Variants in PFKFB3 observed in about 807,000 individuals in gnomAD.
The protein encoded by PFKFB3 is 6-phosphofructo-2-kinase/fructose-2,6-biphosphatase 3, also known as 6-phosphofructo-2-kinase/fructose-2,6-bisphosphatase 3.
Under a neutral mutation model 68.0 loss-of-function variants are expected in PFKFB3, and 33 were observed. That is an observed-to-expected ratio of 0.49 (90% CI 0.37 to 0.65). The LOEUF (loss-of-function observed/expected upper bound fraction) is 0.65, where lower values mean the gene tolerates loss of function less well. PFKFB3 is among the 30% of genes least tolerant of loss of function. PFKFB3 has a pLI of 0.00. For synonymous variants in PFKFB3, 315 were observed against 288.2 expected, an observed-to-expected ratio of 1.09 and a Z score of -0.94; for missense variants, 586 against 712.2, an observed-to-expected ratio of 0.82 and a Z score of 2.02.
intron 1 of PFKFB3, among the ~76,000 whole-genome samples, chr10:6,167,906 T>C (rs1392342273): frequency 6.6e-6 from 1 of 152,126 alleles, no homozygotes; most frequent in Non-Finnish European, 1.5e-5. Context: ...ATTTTGTTTC[T>C]CTTTGCCTGT....
chr10:6,174,249 T>C (rs1842394756), intron 1 of PFKFB3, among the ~76,000 whole-genome samples: 1 of 152,336 alleles, frequency 6.6e-6, no homozygotes, highest in South Asian at 2.1e-4. Context: ...GGTTCCTTCA[T>C]GCCAATGACC....
Position 6,154,319 on chromosome 10 carries a change from C to T in PFKFB3, c.16+9306C>T, listed in dbSNP as rs148322697. On this transcript the variant is annotated intron_variant, in intron 1 of 14. Transcript: ENST00000379789. The surrounding 1 kb of genome is among the most constrained non-coding windows in gnomAD (Gnocchi z 4.6). The stretch of plus-strand genomic sequence containing the variant: ...GGAGTGCAGTGGCGCGTTCTCGGCT[C>T]ACTGCAACCTCTGCCTCTCGAGTTC... Among the ~76,000 whole-genome samples, 2 of 151,708 alleles carry T rather than the reference C, an allele frequency of 1.3e-5. No individual in the cohort carries two copies. Among genetic ancestry groups the T allele is most frequent in the African/African-American group, 4.8e-5 (2 of 41,326 alleles).
chr10:6,203,623 T>A (rs970808468), intron 1 of PFKFB3, among the ~76,000 whole-genome samples: 1 of 151,380 alleles, frequency 6.6e-6, no homozygotes, highest in Non-Finnish European at 1.5e-5. Flanking sequence ...AGGGAGGGGA[T>A]CCACATCCTC....
chr10:6,304,131 C>G, the PFKFB3 span, among the ~76,000 whole-genome samples: 1 of 152,190 alleles, frequency 6.6e-6, no homozygotes, highest in African/African-American at 2.4e-5. Flanking sequence ...AGTGAAGAAT[C>G]CTTGTTAAAG....
chr10:6,209,547 C>A (rs1400671794), intron 1 of PFKFB3, among the ~76,000 whole-genome samples: 1 of 151,924 alleles, frequency 6.6e-6, no homozygotes, highest in Admixed American at 6.6e-5. Flanking sequence ...AATCTCGGCT[C>A]ACTGCAACCT....
chr10:6,231,710 A>G (rs1845754164), intron 14 of PFKFB3: 1 of 465,046 alleles, frequency 2.2e-6, no homozygotes, highest in Non-Finnish European at 2.8e-6. Flanking sequence ...GGCTCTCTGA[A>G]GAGAATTGCC....
At chr10:6,288,703 C>T in the PFKFB3 span, among the ~76,000 whole-genome samples, 1 of 151,956 alleles carries the variant, frequency 6.6e-6, no homozygotes, top group Admixed American at 6.6e-5. Context: ...ATTTATAGTC[C>T]TTTGGGTATA....
At chr10:6,189,546 G>A (rs1208387600) in intron 1 of PFKFB3, among the ~76,000 whole-genome samples, 5 of 139,070 alleles carry the variant, frequency 3.6e-5, no homozygotes, top group Admixed American at 7.9e-5. Flanking sequence ...AGACAGTCTC[G>A]CTCTGTCACC....
chr10:6,169,719 A>G (rs1228961115), intron 1 of PFKFB3, among the ~76,000 whole-genome samples: 1 of 152,118 alleles, frequency 6.6e-6, no homozygotes, highest in Admixed American at 6.6e-5. Context: ...AGAATTTGGA[A>G]CTCTCTAAAT....
At chr10:6,190,171 T>C (rs992964299) in intron 1 of PFKFB3, among the ~76,000 whole-genome samples, 6 of 152,098 alleles carry the variant, frequency 3.9e-5, no homozygotes, top group Non-Finnish European at 7.4e-5. Context: ...CTTAAACTCC[T>C]GGCCTCAAGT....
the PFKFB3 span, among the ~76,000 whole-genome samples, chr10:6,281,496 C>T: frequency 6.6e-6 from 1 of 151,928 alleles, no homozygotes; most frequent in Non-Finnish European, 1.5e-5. Context: ...TAACAGATAT[C>T]GGGGCTCCCA....
chr10:6,156,565 T>C (rs923779841), intron 1 of PFKFB3, among the ~76,000 whole-genome samples: 1 of 152,034 alleles, frequency 6.6e-6, no homozygotes, highest in Admixed American at 6.6e-5. Context: ...TGATGTGCAG[T>C]GGCACAATCT....
At chr10:6,200,459 T>G (rs1462809659), upstream of PFKFB3, among the ~76,000 whole-genome samples, 1 of 151,930 alleles carries the variant, frequency 6.6e-6, no homozygotes, top group Admixed American at 6.6e-5. Flanking sequence ...AACCAGTAAA[T>G]TACCAGAATA....
chr10:6,223,839 A>G, intron 11 of PFKFB3, 119 bp from the exon 12 acceptor site: 1 of 826,576 alleles, frequency 1.2e-6, no homozygotes, highest in Non-Finnish European at 2.1e-6. Flanking sequence ...CTGGTCTTGA[A>G]CTCCTGACCT....
rs942518909 is a variant in PFKFB3, at chr10:6,207,321, C to T, written c.76+3985C>T. 7.2e-5 allele frequency among the ~76,000 whole-genome samples: 11 copies of T among 152,358 alleles called. No homozygotes were observed. In the South Asian group the frequency reaches 2.1e-3, roughly 29 times the overall value. On this transcript the variant is annotated intron_variant, in intron 1 of 14. Transcript: ENST00000379775. ...GGCGTGGCGGCGCCTCCTGCAATCG[C>T]AGGCACTCGGCAGGCTGAGGCAGGA... is the stretch of plus-strand genomic sequence containing the variant.
At chr10:6,260,034 C>A in the PFKFB3 span, among the ~76,000 whole-genome samples, 2 of 151,906 alleles carry the variant, frequency 1.3e-5, no homozygotes, top group Admixed American at 6.6e-5. Flanking sequence ...TGGTGAAGTA[C>A]AACATACATG....
chr10:6,316,644 G>C, the PFKFB3 span, among the ~76,000 whole-genome samples: 222 of 152,122 alleles, frequency 1.5e-3, 1 homozygote, highest in Middle Eastern at 3.4e-3. Flanking sequence ...CACCTGGCTA[G>C]TTTTTGTATT....
At chr10:6,244,415 G>T (rs957764316) in intron 14 of PFKFB3, among the ~76,000 whole-genome samples, 1 of 152,256 alleles carries the variant, frequency 6.6e-6, no homozygotes, top group East Asian at 1.9e-4. Context: ...TGGTCTTTCT[G>T]GACCAACTTG....
chr10:6,238,417 G>C (rs1437907410), downstream of PFKFB3, among the ~76,000 whole-genome samples: 2 of 143,886 alleles, frequency 1.4e-5, no homozygotes, highest in Non-Finnish European at 3.0e-5. Flanking sequence ...TACCTGCCTT[G>C]GCCTCCCAAA....
Sources: gnomAD v4.1 joint callset for allele counts (sites outside exome capture counted in the v4.1 genomes callset) on GRCh38, gnomAD v4.1.1 for gene constraint, Gnocchi (gnomAD v3.1) non-coding constraint, MANE v1.5 for transcripts, NCBI Gene and HGNC (gene_info 2026-07-23, HGNC 2026-07-21) for gene names.